The following PRR5 variants were observed in gnomAD, a reference collection of about 807,000 sequenced individuals.
The protein encoded by PRR5 is proline-rich protein 5.
In PRR5, 25 loss-of-function variants were observed where a neutral mutation model predicts 30.6. That is an observed-to-expected ratio of 0.82 (90% CI 0.60 to 1.14). The LOEUF (loss-of-function observed/expected upper bound fraction) is 1.14. PRR5 is among the 50% of genes most tolerant of loss of function. The probability of loss-of-function intolerance (pLI) is 0.00; values close to 1 mark genes in which losing one functional copy is unlikely to be tolerated. For synonymous variants in PRR5, 286 were observed against 247.1 expected (o/e 1.16, Z -1.48); for missense variants, 600 against 547.1 (o/e 1.10, Z -0.96).
chr22:44,677,056 C>G (rs1923825492), upstream of PRR5: 1 of 152,356 alleles, frequency 6.6e-6, no homozygotes, highest in Admixed American at 6.5e-5. Context: ...ATGTGTAAGC[C>G]ATTCGGCTGC....
At chr22:44,734,737 G>A (rs951392537) in intron 6 of PRR5, 1 of 476,606 alleles carries the variant, frequency 2.1e-6, no homozygotes, top group African/African-American at 2.0e-5. Context: ...CCCTCCGAGG[G>A]GTGGAAGGTG....
At chr22:44,677,704 G>A (rs9626508) in intron 1 of PRR5, among the ~76,000 whole-genome samples, 12,751 of 152,202 alleles carry the variant, frequency 0.084, 703 homozygotes, top group East Asian at 0.27. Flanking sequence ...ACGGTGAGGG[G>A]AGTCAGAGGG....
chr22:44,693,174 C>T (rs990069033), intron 1 of PRR5, among the ~76,000 whole-genome samples: 1 of 152,148 alleles, frequency 6.6e-6, no homozygotes, highest in Admixed American at 6.5e-5. Flanking sequence ...AACAGAATCT[C>T]ATTCTCTCAC....
At chr22:44,669,583 C>T (rs909894352) in intron 1 of PRR5, among the ~76,000 whole-genome samples, 1 of 152,248 alleles carries the variant, frequency 6.6e-6, no homozygotes, top group Non-Finnish European at 1.5e-5. Flanking sequence ...GATTTCTAGA[C>T]CCTGTTCCCA....
upstream of PRR5, among the ~76,000 whole-genome samples, chr22:44,700,455 C>T (rs185544898): frequency 2.0e-4 from 31 of 152,270 alleles, no homozygotes; most frequent in East Asian, 1.2e-3. Context: ...AAGAGCGAAA[C>T]GCCATCACAC....
chr22:44,685,684 G>A (rs1924686360), intron 1 of PRR5, among the ~76,000 whole-genome samples: 1 of 152,060 alleles, frequency 6.6e-6, no homozygotes, highest in African/African-American at 2.4e-5. Flanking sequence ...CCGTGACTCT[G>A]CCAGGCGTGG....
chr22:44,700,408 G>A (rs1300059021), upstream of PRR5, among the ~76,000 whole-genome samples: 2 of 152,208 alleles, frequency 1.3e-5, no homozygotes, highest in Non-Finnish European at 2.9e-5. Context: ...GAGGTTAGCA[G>A]TGAGCCATGA....
At chr22:44,717,933 T>C (rs1929338285) in intron 2 of PRR5, among the ~76,000 whole-genome samples, 1 of 152,054 alleles carries the variant, frequency 6.6e-6, no homozygotes, top group Admixed American at 6.5e-5. Flanking sequence ...CAGGCTGGTC[T>C]TGAACTCCCG....
At position 44,729,899 on chromosome 22, in the gene PRR5, C is replaced by T. The variant is rs1037396763; in HGVS notation, c.323-1831C>T. The T allele has an allele frequency of 3.0e-6, 3 of 985,378 alleles. No individual in the cohort carries two copies. In the African/African-American group the frequency reaches 5.2e-5, roughly 17 times the overall value. 61.0% of individuals were successfully genotyped at this position (985,378 alleles called of 1,614,324 possible). ...CCCGGGAACTGAGCTGCCTTTCTTC[C>T]TGCCGCGGCGGAGGGGGACTGAAGG... On this transcript the variant is annotated intron_variant, in intron 4 of 7. Coordinates refer to ENST00000336985, the MANE Select transcript of PRR5 (RefSeq NM_181333.4).
intron 2 of PRR5, among the ~76,000 whole-genome samples, chr22:44,720,401 C>T (rs1212022065): frequency 6.6e-6 from 1 of 152,196 alleles, no homozygotes; most frequent in Non-Finnish European, 1.5e-5. Flanking sequence ...TTCAACAGTG[C>T]GCTTCCAGAG....
At chr22:44,696,410 C>T (rs1250796178) in intron 1 of PRR5, among the ~76,000 whole-genome samples, 1 of 152,170 alleles carries the variant, frequency 6.6e-6, no homozygotes, top group Non-Finnish European at 1.5e-5. Flanking sequence ...ACTTTGGAAA[C>T]CGATTGGTGT....
upstream of PRR5, among the ~76,000 whole-genome samples, chr22:44,674,012 G>A (rs1160999507): frequency 6.6e-6 from 1 of 152,142 alleles, no homozygotes; most frequent in Non-Finnish European, 1.5e-5. Context: ...TGGAGAACGG[G>A]CTCTGATTCT....
At chr22:44,692,739 G>A (rs1260967393) in intron 1 of PRR5, among the ~76,000 whole-genome samples, 1 of 152,204 alleles carries the variant, frequency 6.6e-6, no homozygotes, top group Non-Finnish European at 1.5e-5. Context: ...AGTGCAGCCC[G>A]GGAGTCCGTC....
At chr22:44,692,897 T>G (rs960912240) in intron 1 of PRR5, among the ~76,000 whole-genome samples, 4 of 152,036 alleles carry the variant, frequency 2.6e-5, no homozygotes, top group Non-Finnish European at 5.9e-5. Context: ...CTGGGTGGTG[T>G]TAGGCTGCCA....
intron 2 of PRR5, among the ~76,000 whole-genome samples, chr22:44,724,561 C>CT (rs757690389): frequency 6.6e-6 from 1 of 152,198 alleles, no homozygotes; most frequent in Non-Finnish European, 1.5e-5. Flanking sequence ...TGCCTGTGTA[C>CT]TTTCAGCCTG....
intron 4 of PRR5, chr22:44,729,668 C>T: frequency 1.0e-6 from 1 of 985,426 alleles, no homozygotes; most frequent in Non-Finnish European, 1.2e-6. Context: ...CACAGAGGGG[C>T]CCCCACAGGA....
In PRR5 at chr22:44,732,454, C is replaced by T. The variant is rs1454921075; in HGVS notation, c.555+63C>T. ...TGGGGCAGTAATTGGGCTCAGGTCC[C>T]CACAGGCAGAGCATGAGATGAGGAT... On this transcript the variant is annotated intron_variant, in intron 6 of 7. Coordinates refer to ENST00000336985, the MANE Select transcript of PRR5 (RefSeq NM_181333.4). 5 of 1,561,600 alleles carry T rather than the reference C, an allele frequency of 3.2e-6. No individual in the cohort carries two copies. The Admixed American group carries it at 5.3e-5, about 16-fold the overall frequency.
At chr22:44,727,465 G>A (rs748644507) in intron 4 of PRR5, among the ~76,000 whole-genome samples, 4 of 152,300 alleles carry the variant, frequency 2.6e-5, no homozygotes, top group East Asian at 3.9e-4. Context: ...GCGTCCCTCC[G>A]TGCTGGACTG....
intron 4 of PRR5, among the ~76,000 whole-genome samples, chr22:44,727,293 CAGCAGCGTGCGCATCCTTGCAG>C (rs2147141145): frequency 6.6e-6 from 1 of 152,224 alleles, no homozygotes; most frequent in South Asian, 2.1e-4. Context: ...CGGGCAGCAG[CAGCAGCGTGCGCATCCTTGCAG>C]GAGCGAGCTG....
Sources: gnomAD v4.1 joint callset for allele counts (sites outside exome capture counted in the v4.1 genomes callset) on GRCh38, gnomAD v4.1.1 for gene constraint, MANE v1.5 for transcripts, NCBI Gene and HGNC (gene_info 2026-07-23, HGNC 2026-07-21) for gene names.